Variants in CUL2 observed in about 807,000 individuals in gnomAD.
CUL2 encodes cullin-2.
In CUL2, 22 loss-of-function variants were observed where a neutral mutation model predicts 110.2. The observed-to-expected ratio is 0.20, with a 90% CI of 0.14 to 0.28. CUL2 has a LOEUF of 0.28. Among genes scored for constraint, CUL2 ranks in the 10% least tolerant of loss-of-function variants. The pLI, the probability that CUL2 is intolerant of heterozygous loss-of-function variation, is 1.00. For missense variants in CUL2, 631 were observed against 905.5 expected (o/e 0.70, Z 3.89); for synonymous variants, 279 against 293.2 (o/e 0.95, Z 0.49).
chr10:35,051,575 T>A (rs909576999), intron 5 of CUL2, among the ~76,000 whole-genome samples: 7 of 152,202 alleles, frequency 4.6e-5, no homozygotes, highest in Non-Finnish European at 8.8e-5. Flanking sequence ...ATCGTGCCAC[T>A]GCACTCCAGC....
intron 2 of CUL2, chr10:35,098,259 T>A (rs11596502): frequency 1.3e-5 from 2 of 152,026 alleles, no homozygotes; most frequent in Non-Finnish European, 2.9e-5. Flanking sequence ...GAACTCATTT[T>A]GAGGAAAAGC....
intron 17 of CUL2, among the ~76,000 whole-genome samples, chr10:35,017,026 G>C (rs1176482750): frequency 2.6e-5 from 4 of 151,578 alleles, no homozygotes; most frequent in African/African-American, 9.7e-5. Context: ...AACAATAAAA[G>C]GAGGTGGGAG....
chr10:35,024,835 C>T (rs946880123), intron 17 of CUL2, among the ~76,000 whole-genome samples: 17 of 151,992 alleles, frequency 1.1e-4, no homozygotes, highest in Admixed American at 3.3e-4. Context: ...TGTGTCTGCC[C>T]CATCAAATGT....
chr10:35,064,543 C>T (rs554574928), intron 2 of CUL2, among the ~76,000 whole-genome samples: 1 of 152,288 alleles, frequency 6.6e-6, no homozygotes, highest in South Asian at 2.1e-4. Context: ...TTTATTAAAT[C>T]CTGCTGAAGG....
chr10:35,049,843 A>G, intron 5 of CUL2, 78 bp from the exon 6 acceptor site: 1 of 877,316 alleles, frequency 1.1e-6, no homozygotes, highest in Non-Finnish European at 1.8e-6. Flanking sequence ...TTTTTTAACT[A>G]AAAATACTCA....
At chr10:35,074,889 T>TC (rs2086773618) in intron 1 of CUL2, among the ~76,000 whole-genome samples, 1 of 152,218 alleles carries the variant, frequency 6.6e-6, no homozygotes, top group South Asian at 2.1e-4. Flanking sequence ...TTAGAGTACT[T>TC]CATCGCTCTG....
chr10:35,034,727 C>A (rs1451584468), intron 10 of CUL2, among the ~76,000 whole-genome samples: 3 of 152,124 alleles, frequency 2.0e-5, no homozygotes, highest in African/African-American at 7.2e-5. Flanking sequence ...GGGCAGCAAG[C>A]ATATACTTAC....
chr10:35,122,636 T>TTTTA (rs1271221400), intron 1 of CUL2, among the ~76,000 whole-genome samples: 1 of 152,182 alleles, frequency 6.6e-6, no homozygotes, highest in Non-Finnish European at 1.5e-5. Context: ...TTTTATTTTA[T>TTTTA]TTTATTTATT....
At chr10:35,029,683 T>C in intron 14 of CUL2, 43 bp from the exon 15 acceptor site, 3 of 1,403,228 alleles carry the variant, frequency 2.1e-6, no homozygotes, top group Non-Finnish European at 2.9e-6. Flanking sequence ...AAAAGAAAAA[T>C]AATAAGTCAT....
At chr10:35,124,613 C>G (rs2087717192) in intron 1 of CUL2, among the ~76,000 whole-genome samples, 1 of 152,104 alleles carries the variant, frequency 6.6e-6, no homozygotes, top group Non-Finnish European at 1.5e-5. Flanking sequence ...AATGTGCAAC[C>G]CGGAATTGGC....
intron 17 of CUL2, among the ~76,000 whole-genome samples, chr10:35,023,794 T>G (rs1341705856): frequency 1.3e-5 from 2 of 152,198 alleles, no homozygotes; most frequent in African/African-American, 4.8e-5. Context: ...GTCCAGCATT[T>G]TTTTCTTAAA....
chr10:35,052,337 T>C (rs914009204), intron 5 of CUL2, among the ~76,000 whole-genome samples: 2 of 152,146 alleles, frequency 1.3e-5, no homozygotes, highest in African/African-American at 2.4e-5. Flanking sequence ...GGCAAACTGG[T>C]AAAGGCCCTT....
At chr10:35,016,948 A>C (rs952388752) in intron 17 of CUL2, among the ~76,000 whole-genome samples, 1 of 151,766 alleles carries the variant, frequency 6.6e-6, no homozygotes, top group Non-Finnish European at 1.5e-5. Flanking sequence ...AAAAACAAAA[A>C]AAAAAGTCTT....
intron 15 of CUL2, 66 bp from the exon 16 acceptor site, chr10:35,028,953 T>C: frequency 2.0e-6 from 2 of 977,116 alleles, no homozygotes; most frequent in Non-Finnish European, 3.1e-6. Flanking sequence ...AGTAAATATT[T>C]ATTAAATAAT....
In CUL2 at chr10:35,013,801, C is replaced by A; in HGVS notation, c.1888-1G>T. 6.9e-7 allele frequency: 1 copy of A among 1,449,232 alleles called. No homozygotes were observed. The highest frequency in any genetic ancestry group is 9.2e-7 in the Non-Finnish European group (1 of 1,081,146). 89.8% of individuals were successfully genotyped at this position (1,449,232 alleles called of 1,614,324 possible). On this transcript the variant is annotated splice_acceptor_variant, in intron 18 of 20. Coordinates refer to ENST00000374749, the MANE Select transcript of CUL2 (RefSeq NM_003591.4). LOFTEE classifies it high-confidence loss of function. Reference sequence around the variant, plus strand: ...ACGAAGATTCTGCATCAATATCTTCCTACATTTAAAAATAAAACATTTATA... The same window carrying A: ...ACGAAGATTCTGCATCAATATCTTCATACATTTAAAAATAAAACATTTATA...
intron 6 of CUL2, among the ~76,000 whole-genome samples, chr10:35,048,408 A>C (rs529698953): frequency 6.6e-6 from 1 of 152,318 alleles, no homozygotes; most frequent in Non-Finnish European, 1.5e-5. Context: ...ATTGATTTTT[A>C]GCAAACTAAC....
chr10:35,062,823 C>T, intron 3 of CUL2, 137 bp downstream of exon 3: 1 of 595,348 alleles, frequency 1.7e-6, no homozygotes, highest in African/African-American at 1.9e-5. Flanking sequence ...GGCAACAGAG[C>T]AAGACCCTGT....
chr10:35,112,658 C>T (rs1243274260), intron 1 of CUL2, among the ~76,000 whole-genome samples: 3 of 152,056 alleles, frequency 2.0e-5, no homozygotes, highest in Admixed American at 6.6e-5. Context: ...GAGAAATAAT[C>T]TCTGGAAAGG....
intron 1 of CUL2, among the ~76,000 whole-genome samples, chr10:35,105,335 A>G (rs2087439884): frequency 6.6e-6 from 1 of 151,730 alleles, no homozygotes; most frequent in Non-Finnish European, 1.5e-5. Flanking sequence ...CTGAGGCAGG[A>G]GAATGGCGTG....
Sources: gnomAD v4.1 joint callset for allele counts (sites outside exome capture counted in the v4.1 genomes callset) on GRCh38, gnomAD v4.1.1 for gene constraint, MANE v1.5 for transcripts, NCBI Gene and HGNC (gene_info 2026-07-23, HGNC 2026-07-21) for gene names.